The following ZNF112 variants were observed in gnomAD, a reference collection of about 807,000 sequenced individuals.
ZNF112 encodes the protein zinc finger protein 112 (Y14).
In ZNF112, 37 loss-of-function variants were observed where a neutral mutation model predicts 77.7. That is an observed-to-expected ratio of 0.48 (90% CI 0.37 to 0.63). The LOEUF is 0.63. ZNF112 is among the 20% of genes least tolerant of loss of function. ZNF112 has a pLI of 0.00. For synonymous variants in ZNF112, 333 were observed against 363.6 expected (o/e 0.92, Z 0.96); for missense variants, 950 against 1,077.4 (o/e 0.88, Z 1.66).
intron 2 of ZNF112, among the ~76,000 whole-genome samples, chr19:44,339,901 G>T (rs1461497584): frequency 6.6e-6 from 1 of 151,978 alleles, no homozygotes; most frequent in Non-Finnish European, 1.5e-5. Flanking sequence ...TTCAGAAAAA[G>T]ATATTATGAC....
chr19:44,346,186 G>A (rs1970586451), intron 1 of ZNF112, among the ~76,000 whole-genome samples: 1 of 152,172 alleles, frequency 6.6e-6, no homozygotes. Context: ...CAAGAGCCCA[G>A]GCTACAGAAT....
At chr19:44,360,211 G>A (rs532741709), upstream of ZNF112, among the ~76,000 whole-genome samples, 3 of 150,488 alleles carry the variant, frequency 2.0e-5, no homozygotes, top group East Asian at 5.9e-4. Context: ...AGCTGAGATC[G>A]TGCCACTGCA....
rs1970160953 is a variant in ZNF112 at position 44,327,891 on chromosome 19, A to T, written c.2266T>A (p.Ser756Thr). 1 of 1,613,822 alleles carries T rather than the reference A, an allele frequency of 6.2e-7. No individual in the cohort carries two copies. The highest frequency in any genetic ancestry group is 8.5e-7 in the Non-Finnish European group (1 of 1,179,980). The change falls in exon 4 of 4, where the codon TCG (serine) becomes ACG (threonine). Residue 756 changes from serine (S) to threonine (T), a missense_variant. Coordinates refer to ENST00000354340, the MANE Select transcript of ZNF112 (RefSeq NM_013380.4). ...ACCCTCCGATGTGCTTCAAGGCGCGAACTCTGACTAAAGCCCTTCCCACAC... is the reference window on the plus strand; with the variant it reads ...ACCCTCCGATGTGCTTCAAGGCGCGTACTCTGACTAAAGCCCTTCCCACAC... ...EMCGKGFSQSSRLEAHRRVHT... is the reference protein window; with the variant it reads ...EMCGKGFSQSTRLEAHRRVHT...
intron 1 of ZNF112, among the ~76,000 whole-genome samples, chr19:44,354,216 G>A (rs1367830060): frequency 6.6e-6 from 1 of 152,118 alleles, no homozygotes; most frequent in East Asian, 1.9e-4. Context: ...CAGGTATGGT[G>A]AGGGGTAATT....
chr19:44,362,236 G>A (rs1238455170), intron 1 of ZNF112, among the ~76,000 whole-genome samples: 1 of 151,976 alleles, frequency 6.6e-6, no homozygotes, highest in African/African-American at 2.4e-5. Context: ...AGAAGGGGGA[G>A]GAAGGTGAGG....
At chr19:44,366,177 G>GCAT (rs925098480) in intron 1 of ZNF112, among the ~76,000 whole-genome samples, 1 of 152,058 alleles carries the variant, frequency 6.6e-6, no homozygotes, top group Non-Finnish European at 1.5e-5. Flanking sequence ...CAGTAAGACT[G>GCAT]CATCTCTACA....
intron 1 of ZNF112, among the ~76,000 whole-genome samples, chr19:44,364,604 T>C (rs960116257): frequency 6.6e-6 from 1 of 152,082 alleles, no homozygotes; most frequent in Non-Finnish European, 1.5e-5. Context: ...CATCCACAGA[T>C]TCAATGAAAC....
At chr19:44,337,819 GTGTATGTA>G (rs1970410209) in intron 2 of ZNF112, among the ~76,000 whole-genome samples, 2 of 132,422 alleles carry the variant, frequency 1.5e-5, no homozygotes, top group African/African-American at 5.9e-5. Context: ...GTGTGTATAT[GTGTATGTA>G]TATACATACA....
chr19:44,351,376 T>G (rs1970688733), intron 1 of ZNF112, among the ~76,000 whole-genome samples: 2 of 152,130 alleles, frequency 1.3e-5, no homozygotes, highest in Non-Finnish European at 2.9e-5. Flanking sequence ...TACCACATCT[T>G]TCAACTCATT....
rs11668479 is a variant in ZNF112 at position 44,337,978 on chromosome 19, A to T, written c.125-1260T>A. On this transcript the variant is annotated intron_variant, in intron 2 of 3. Transcript: ENST00000354340. ...GGCATTAAATACCATTCCCCAGTTA[A>T]AAAAAAAAAAAAAAAAAAAGATAAT... Among the ~76,000 whole-genome samples the T allele has an allele frequency of 3.8e-3, 287 of 75,542 alleles. 3 individuals carry two copies. The highest frequency in any genetic ancestry group is 0.015 in the African/African-American group (216 of 14,740). The allele number at this position is 75,542 out of a possible 152,430, so 49.6% of individuals were successfully genotyped here. A position where few individuals can be genotyped will look rare whatever the true frequency, so the allele number is the denominator to read the frequency against.
chr19:44,360,757 C>T (rs1970847962), upstream of ZNF112, among the ~76,000 whole-genome samples: 1 of 152,108 alleles, frequency 6.6e-6, no homozygotes, highest in Non-Finnish European at 1.5e-5. Context: ...TGAAATAAAA[C>T]TGAAATTGAC....
chr19:44,365,007 T>C (rs1284499004), intron 1 of ZNF112, among the ~76,000 whole-genome samples: 3 of 151,584 alleles, frequency 2.0e-5, no homozygotes, highest in African/African-American at 7.3e-5. Flanking sequence ...TGGGGGTGGG[T>C]GGGTGTTCCC....
intron 1 of ZNF112, among the ~76,000 whole-genome samples, chr19:44,344,092 A>G (rs548922712): frequency 6.6e-6 from 1 of 152,184 alleles, no homozygotes; most frequent in Non-Finnish European, 1.5e-5. Context: ...CACAGGGTAC[A>G]ACAAAAGACT....
chr19:44,331,003 T>A (rs1296104049), intron 3 of ZNF112, among the ~76,000 whole-genome samples: 1 of 152,224 alleles, frequency 6.6e-6, no homozygotes, highest in Non-Finnish European at 1.5e-5. Context: ...GCATCACATA[T>A]CCTGTCACTA....
At chr19:44,347,531 A>G in intron 1 of ZNF112, among the ~76,000 whole-genome samples, 1 of 40,684 alleles carries the variant, frequency 2.5e-5, no homozygotes, top group African/African-American at 9.6e-5. Flanking sequence ...TGTATCTATT[A>G]GCTTTTGGCT....
rs1970150412 is a variant in ZNF112 at position 44,327,584 on chromosome 19, T to A, written c.2573A>T (p.Asp858Val). 6.2e-7 allele frequency: 1 copy of A among 1,614,116 alleles called. No homozygotes were observed. Among genetic ancestry groups the A allele is most frequent in the Non-Finnish European group, 8.5e-7 (1 of 1,179,974 alleles). The change falls in exon 4 of 4, where the codon GAT becomes GTT. Residue 858 changes from aspartate to valine, a missense_variant. Coordinates refer to ENST00000354340, the MANE Select transcript of ZNF112 (RefSeq NM_013380.4). Reference sequence around the variant, plus strand: ...CCAACGGAAACCCTTACCACATGCATCACATTTGTATGGTTTCTCTCCTGT... The same window carrying A: ...CCAACGGAAACCCTTACCACATGCAACACATTTGTATGGTTTCTCTCCTGT... ...VHTGEKPYKC[D>V]ACGKGFRWSS...
At position 44,326,762 on chromosome 19, in the gene ZNF112, A is replaced by G. The variant is rs1371405848; in HGVS notation, c.*671T>C. ...TTCAAGTGCACACATGGGTACATAT[A>G]CACACACACAAAGCTAAACTTCAGC... On this transcript the variant is annotated 3_prime_UTR_variant, in exon 4 of 4. Transcript: ENST00000354340. 1.3e-5 allele frequency: 2 copies of G among 152,392 alleles called. No homozygotes were observed. Among genetic ancestry groups the G allele is most frequent in the East Asian group, 3.9e-4 (2 of 5,176 alleles). The allele number at this position is 152,392 out of a possible 1,614,324, so 9.4% of individuals were successfully genotyped here.
chr19:44,356,461 G>C (rs1970787820), intron 1 of ZNF112, among the ~76,000 whole-genome samples, 165 bp downstream of exon 1: 1 of 152,122 alleles, frequency 6.6e-6, no homozygotes, highest in Admixed American at 6.5e-5. Flanking sequence ...GGATGCGCCA[G>C]CTGCCCCACA....
intron 1 of ZNF112, among the ~76,000 whole-genome samples, chr19:44,365,212 G>A (rs1970891841): frequency 1.3e-5 from 2 of 152,070 alleles, no homozygotes; most frequent in Non-Finnish European, 2.9e-5. Flanking sequence ...CCAGCACTTT[G>A]GGAGGCCAAG....
Sources: gnomAD v4.1 joint callset for allele counts (sites outside exome capture counted in the v4.1 genomes callset) on GRCh38, gnomAD v4.1.1 for gene constraint, MANE v1.5 for transcripts, NCBI Gene and HGNC (gene_info 2026-07-23, HGNC 2026-07-21) for gene names.